Variants in CACNA1E observed in about 807,000 individuals in gnomAD.
CACNA1E encodes calcium voltage-gated channel subunit alpha1 E, also known as voltage-dependent R-type calcium channel subunit alpha-1E.
In CACNA1E, 40 loss-of-function variants were observed where a neutral mutation model predicts 259.2. That is an observed-to-expected ratio of 0.15 (90% CI 0.12 to 0.20). The LOEUF (loss-of-function observed/expected upper bound fraction) is 0.20. Ranked by LOEUF, CACNA1E falls within the 10% of genes least tolerant of loss-of-function variation. CACNA1E has a pLI of 1.00. For synonymous variants in CACNA1E, 1,104 were observed against 1,138.5 expected (o/e 0.97, Z 0.61); for missense variants, 1,874 against 3,040.1 (o/e 0.62, Z 9.02).
chr1:181,726,199 C>T (rs1186644270), intron 18 of CACNA1E, 37 bp downstream of exon 18: 12 of 1,442,282 alleles, frequency 8.3e-6, no homozygotes, highest in Non-Finnish European at 1.2e-5. Context: ...CCCTGAGCTC[C>T]TGTGCTAACA....
At chr1:181,404,227 A>G (rs1657308107) in intron 1 of CACNA1E, among the ~76,000 whole-genome samples, 1 of 152,196 alleles carries the variant, frequency 6.6e-6, no homozygotes, top group South Asian at 2.1e-4. Flanking sequence ...AGGTAAACAT[A>G]ATGCCTACTA....
chr1:181,710,839 A>G lies in CACNA1E; in HGVS notation c.1056-115A>G, dbSNP rs1653279137. 9.7e-6 allele frequency: 7 copies of G among 722,936 alleles called. No homozygotes were observed. In the South Asian group the frequency reaches 1.1e-4, roughly 12 times the overall value. 44.8% of individuals were successfully genotyped at this position (722,936 alleles called of 1,614,324 possible). On this transcript the variant is annotated intron_variant, in intron 7 of 47. Coordinates refer to ENST00000367573, the MANE Select transcript of CACNA1E (RefSeq NM_001205293.3). ...TGCAGCCTGGGTCAGGGGAAAGGGT[A>G]CATGGGCTTAATAGAGGTACTTGCT...
At chr1:181,512,088 C>T (rs760058055) in intron 3 of CACNA1E, among the ~76,000 whole-genome samples, 1 of 152,202 alleles carries the variant, frequency 6.6e-6, no homozygotes, top group African/African-American at 2.4e-5. Flanking sequence ...TATAGCCATA[C>T]GACATTGGGG....
chr1:181,762,632 C>T lies in CACNA1E; in HGVS notation c.4664C>T (p.Thr1555Ile), dbSNP rs765025026. 3 of 1,605,486 alleles carry T rather than the reference C, an allele frequency of 1.9e-6. No homozygotes were observed. Among genetic ancestry groups the T allele is most frequent in the Non-Finnish European group, 1.7e-6 (2 of 1,174,650 alleles). The change falls in exon 33 of 48, where the codon ACA becomes ATA. Residue 1555 changes from threonine to isoleucine, a missense_variant. Physicochemically the swap from Thr to Ile is moderately conservative, Grantham distance 89. This residue lies in a region of CACNA1E where 188 missense variants were observed against 540.6 expected (regional missense o/e 0.35). Coordinates refer to ENST00000367573, the MANE Select transcript of CACNA1E (RefSeq NM_001205293.3). ...TTCATCACCGTGATTGGCAGTATCA[C>T]AGAAATTATCCTGACAGACAGCAAG... is the stretch of plus-strand genomic sequence containing the variant. ...FDFITVIGSI[T>I]EIILTDSKLV... is the part of the protein sequence containing the mutation.
Position 181,798,226 on chromosome 1 carries a change from A to T in CACNA1E, c.6400-66A>T. 1 of 1,331,392 alleles carries T rather than the reference A, an allele frequency of 7.5e-7. No individual in the cohort carries two copies. The highest frequency in any genetic ancestry group is 1.0e-6 in the Non-Finnish European group (1 of 965,272). The allele number at this position is 1,331,392 out of a possible 1,614,324, so 82.5% of individuals were successfully genotyped here. ...GAATTCAGATTCCAAGGACTCTCTTAACAGAGTTGCAAGTAGGGATCATGC... is the reference window on the plus strand; with the variant it reads ...GAATTCAGATTCCAAGGACTCTCTTTACAGAGTTGCAAGTAGGGATCATGC... On this transcript the variant is annotated intron_variant, in intron 47 of 47. Coordinates refer to ENST00000367573, the MANE Select transcript of CACNA1E (RefSeq NM_001205293.3). This position sits in a 1 kb window ranked among gnomAD's most constrained non-coding sequence, Gnocchi z 4.2.
rs531055619 is a variant in CACNA1E, at chr1:181,773,528, A to AATGT, written c.5139+1300_5139+1303dup. On this transcript the variant is annotated intron_variant, in intron 37 of 47. Transcript: ENST00000367573. ...ATCTTATTTACAAATATGGAAGTATAATGTATAAAGAAAAAACCCCCTGAA... is the reference window on the plus strand; with the variant it reads ...ATCTTATTTACAAATATGGAAGTATAATGTATGTATAAAGAAAAAACCCCCTGAA... 4.9e-3 allele frequency among the ~76,000 whole-genome samples: 745 copies of AATGT among 152,370 alleles called. 3 individuals carry two copies. Among genetic ancestry groups the AATGT allele is most frequent in the South Asian group, 0.013 (61 of 4,816 alleles).
chr1:181,562,085 G>T, intron 3 of CACNA1E, among the ~76,000 whole-genome samples: 1 of 151,672 alleles, frequency 6.6e-6, no homozygotes, highest in Non-Finnish European at 1.5e-5. Flanking sequence ...TTTTTAATTA[G>T]GTTGCTTGTT....
chr1:181,516,355 A>G (rs1232469502), intron 3 of CACNA1E, among the ~76,000 whole-genome samples: 2 of 151,316 alleles, frequency 1.3e-5, no homozygotes, highest in Non-Finnish European at 2.9e-5. Flanking sequence ...ACACACACAC[A>G]CACACACACA....
intron 3 of CACNA1E, among the ~76,000 whole-genome samples, chr1:181,546,343 T>C (rs144849019): frequency 6.2e-4 from 94 of 152,296 alleles, no homozygotes; most frequent in African/African-American, 2.2e-3. Context: ...CTCTGCCTTA[T>C]GGAGTGATGA....
chr1:181,767,652 T>C (rs900207457), intron 35 of CACNA1E, among the ~76,000 whole-genome samples: 1 of 152,250 alleles, frequency 6.6e-6, no homozygotes, highest in African/African-American at 2.4e-5. Context: ...TTGGTTTCAT[T>C]CTTTAACTCT....
intron 7 of CACNA1E, among the ~76,000 whole-genome samples, chr1:181,670,692 TC>T (rs1648702752): frequency 6.6e-6 from 1 of 152,160 alleles, no homozygotes; most frequent in South Asian, 2.1e-4. Context: ...AAAAGAGGCC[TC>T]CCCACCCTCG....
At chr1:181,715,469 A>T (rs12407563) in intron 9 of CACNA1E, 78 bp downstream of exon 9, 1 of 756,640 alleles carries the variant, frequency 1.3e-6, no homozygotes, top group South Asian at 1.6e-5. Context: ...ATTCAAAAGG[A>T]GAGAAAGAAA....
intron 2 of CACNA1E, among the ~76,000 whole-genome samples, chr1:181,432,010 C>T (rs906140232): frequency 1.6e-4 from 25 of 152,268 alleles, no homozygotes; most frequent in African/African-American, 5.3e-4. Context: ...CTTCCTGCAT[C>T]GCCGATCGAC....
chr1:181,577,770 C>G lies in CACNA1E; in HGVS notation c.517C>G (p.Leu173Val). Residue 173 changes from leucine to valine, a missense_variant, in exon 4 of 48, where the codon CTG becomes GTG. Coordinates refer to ENST00000367573, the MANE Select transcript of CACNA1E (RefSeq NM_001205293.3). ...CTTCTGTGTCTCTGTCTGCAGCATC[C>G]TGGCCACTGCAGGAACCCACTTCAA... Reference protein sequence around the residue: ...MDFIVVLSGILATAGTHFNTH... With the variant: ...MDFIVVLSGIVATAGTHFNTH... 6.2e-7 allele frequency: 1 copy of G among 1,603,382 alleles called. No homozygotes were observed. The highest frequency in any genetic ancestry group is 8.5e-7 in the Non-Finnish European group (1 of 1,173,878).
chr1:181,753,716 GATA>G (rs1379968695), intron 27 of CACNA1E, among the ~76,000 whole-genome samples: 7 of 152,110 alleles, frequency 4.6e-5, no homozygotes, highest in African/African-American at 1.7e-4. Context: ...CATCACCTCT[GATA>G]CTCTTTGCCC....
At chr1:181,413,968 C>A (rs1658074740) in intron 2 of CACNA1E, among the ~76,000 whole-genome samples, 1 of 152,240 alleles carries the variant, frequency 6.6e-6, no homozygotes, top group Non-Finnish European at 1.5e-5. Context: ...TCAGGAACTG[C>A]AGCTAACCCT....
At position 181,485,590 on chromosome 1, in the gene CACNA1E, T is replaced by TA. The variant is rs1361349500; in HGVS notation, c.266+1581dup. On this transcript the variant is annotated intron_variant, in intron 1 of 47. Coordinates refer to ENST00000367573, the MANE Select transcript of CACNA1E (RefSeq NM_001205293.3). This position sits in a 1 kb window ranked among gnomAD's most constrained non-coding sequence, Gnocchi z 4.2. ...ATCCATTGCCTGAGTTGAACGTATC[T>TA]AGCTAGGGTGGAGGTTTCGGGCGGG... Among the ~76,000 whole-genome samples, 1 of 152,176 alleles carries TA rather than the reference T, an allele frequency of 6.6e-6. No individual in the cohort carries two copies. Among genetic ancestry groups the TA allele is most frequent in the Non-Finnish European group, 1.5e-5 (1 of 68,034 alleles).
chr1:181,704,593 G>C (rs912529351), intron 7 of CACNA1E, among the ~76,000 whole-genome samples: 1 of 152,190 alleles, frequency 6.6e-6, no homozygotes, highest in Non-Finnish European at 1.5e-5. Context: ...GCTTGGCAGA[G>C]TGTGTGTACG....
chr1:181,438,951 A>C (rs1171017927), intron 2 of CACNA1E, among the ~76,000 whole-genome samples: 1 of 152,266 alleles, frequency 6.6e-6, no homozygotes, highest in Non-Finnish European at 1.5e-5. Context: ...GTGGTGGAGC[A>C]TCTATGGGAG....
Sources: allele counts gnomAD v4.1 joint callset (sites outside exome capture counted in the v4.1 genomes callset), GRCh38; gene constraint gnomAD v4.1.1; regional missense constraint gnomAD v4.1.1; non-coding constraint Gnocchi (gnomAD v3.1); transcripts MANE v1.5; gene names NCBI Gene and HGNC (gene_info 2026-07-23, HGNC 2026-07-21).